The following NUP43 variants were observed in gnomAD, a reference collection of about 807,000 sequenced individuals.
NUP43 encodes nucleoporin Nup43.
NUP43 carries 32 observed loss-of-function variants against 47.3 expected under a neutral mutation model. The ratio of observed to expected loss-of-function variants is 0.68; its 90% CI spans 0.51 to 0.91. NUP43 has a LOEUF of 0.91. Ranked by LOEUF, NUP43 falls within the 40% of genes least tolerant of loss-of-function variation. NUP43 has a pLI of 0.00. For missense variants in NUP43, 444 were observed against 453.9 expected (o/e 0.98, Z 0.20); for synonymous variants, 147 against 158.4 (o/e 0.93, Z 0.54).
upstream of NUP43, among the ~76,000 whole-genome samples, chr6:149,749,095 G>A (rs1237369787): frequency 3.3e-5 from 5 of 151,712 alleles, no homozygotes; most frequent in African/African-American, 4.8e-5. Flanking sequence ...ATTATTCTAA[G>A]GGAGCAAAGC....
At chr6:149,743,184 AAATAAAT>A (rs1182872209) in intron 3 of NUP43, among the ~76,000 whole-genome samples, 1 of 151,346 alleles carries the variant, frequency 6.6e-6, no homozygotes, top group African/African-American at 2.4e-5. Flanking sequence ...TCAAAAAAAA[AAATAAAT>A]AAATAAAATA....
At chr6:149,732,685 A>C (rs1393060446) in intron 6 of NUP43, among the ~76,000 whole-genome samples, 1 of 151,720 alleles carries the variant, frequency 6.6e-6, no homozygotes, top group Non-Finnish European at 1.5e-5. Flanking sequence ...TCTCTACCAA[A>C]AATACAAAAA....
chr6:149,738,420 A>C (rs1354657141), intron 5 of NUP43, among the ~76,000 whole-genome samples: 1 of 152,228 alleles, frequency 6.6e-6, no homozygotes, highest in Non-Finnish European at 1.5e-5. Flanking sequence ...GAAATAATAC[A>C]AACTTCAAAG....
rs1784749823 is a variant in NUP43, at chr6:149,725,234, GATT to G, written c.*1732_*1734del. 6.6e-6 allele frequency: 1 copy of G among 152,232 alleles called. No homozygotes were observed. The highest frequency in any genetic ancestry group is 1.5e-5 in the Non-Finnish European group (1 of 68,080). 9.4% of individuals were successfully genotyped at this position (152,232 alleles called of 1,614,324 possible). ...GCACTTTGGGAGGCCGAGGCGGGCT[GATT>G]ACCTGTGGTCAGGAGTTCGAGACCA... is the stretch of plus-strand genomic sequence containing the variant. On this transcript the variant is annotated 3_prime_UTR_variant, in exon 8 of 8. Coordinates refer to ENST00000340413, the MANE Select transcript of NUP43 (RefSeq NM_198887.3).
At chr6:149,732,483 G>A (rs529370706) in intron 6 of NUP43, among the ~76,000 whole-genome samples, 7 of 149,956 alleles carry the variant, frequency 4.7e-5, no homozygotes, top group South Asian at 2.1e-4. Context: ...GGAGGCAGAG[G>A]TTGCAATGAG....
At chr6:149,730,196 A>G (rs1410862004) in intron 7 of NUP43, among the ~76,000 whole-genome samples, 1 of 151,288 alleles carries the variant, frequency 6.6e-6, no homozygotes, top group African/African-American at 2.4e-5. Context: ...TTTAGTAGAG[A>G]CGGGGTTTCT....
intron 5 of NUP43, 42 bp downstream of exon 5, chr6:149,738,601 A>G: frequency 7.1e-7 from 1 of 1,418,218 alleles, no homozygotes; most frequent in Non-Finnish European, 9.4e-7. Context: ...CTAACACATT[A>G]ATTTGTGGAT....
At chr6:149,737,943 G>A (rs559173290) in intron 5 of NUP43, among the ~76,000 whole-genome samples, 2 of 152,032 alleles carry the variant, frequency 1.3e-5, no homozygotes, top group East Asian at 1.9e-4. Flanking sequence ...TGCCTGCCTC[G>A]GCCTCCCAAA....
intron 4 of NUP43, among the ~76,000 whole-genome samples, chr6:149,739,788 CTG>C (rs1785552699): frequency 1.3e-5 from 2 of 152,164 alleles, no homozygotes; most frequent in African/African-American, 4.8e-5. Context: ...TTGTATTATT[CTG>C]CAGACTCATC....
Position 149,726,848 on chromosome 6 carries a change from G to T in NUP43, c.*121C>A. 1.4e-6 allele frequency: 1 copy of T among 716,860 alleles called. No homozygotes were observed. 44.4% of individuals were successfully genotyped at this position (716,860 alleles called of 1,614,324 possible). The stretch of plus-strand genomic sequence containing the variant: ...GTCAAAACTGGGCATTGACATTAAT[G>T]GTAGTTTACTGATGTTTCCCCTGCA... On this transcript the variant is annotated 3_prime_UTR_variant, in exon 8 of 8. Transcript: ENST00000340413.
intron 6 of NUP43, among the ~76,000 whole-genome samples, chr6:149,735,878 C>T (rs773206751): frequency 3.4e-5 from 5 of 148,852 alleles, no homozygotes; most frequent in South Asian, 2.2e-4. Flanking sequence ...GAGGCTGATG[C>T]GGGAGGATCA....
At chr6:149,748,683 CCTGTAGTCCCAGCTACTCGG>C (rs1289498938), upstream of NUP43, among the ~76,000 whole-genome samples, 1 of 151,882 alleles carries the variant, frequency 6.6e-6, no homozygotes, top group Non-Finnish European at 1.5e-5. Context: ...GTGGCGGGTG[CCTGTAGTCCCAGCTACTCGG>C]GAGGCTGAGG....
intron 4 of NUP43, among the ~76,000 whole-genome samples, chr6:149,742,160 G>T (rs1785694098): frequency 6.6e-6 from 1 of 152,216 alleles, no homozygotes; most frequent in Admixed American, 6.5e-5. Flanking sequence ...CCAAGTAGCT[G>T]GGATTACAGG....
intron 1 of NUP43, 106 bp from the exon 2 acceptor site, chr6:149,746,168 A>G: frequency 7.2e-7 from 1 of 1,391,336 alleles, no homozygotes; most frequent in South Asian, 1.3e-5. Context: ...CTCAAATGGT[A>G]TGGTGAGTTT....
chr6:149,740,321 A>C (rs529782014), intron 4 of NUP43, among the ~76,000 whole-genome samples: 1 of 150,050 alleles, frequency 6.7e-6, no homozygotes, highest in South Asian at 2.1e-4. Context: ...TTAACTCAGA[A>C]ATGAAAATCA....
intron 2 of NUP43, among the ~76,000 whole-genome samples, chr6:149,744,844 A>C (rs1328492876): frequency 6.6e-6 from 1 of 151,838 alleles, no homozygotes. Flanking sequence ...TCCAAAAAAA[A>C]AAAATGTATC....
upstream of NUP43, among the ~76,000 whole-genome samples, chr6:149,746,833 C>T (rs750845364): frequency 6.6e-6 from 1 of 152,166 alleles, no homozygotes; most frequent in Non-Finnish European, 1.5e-5. Context: ...CAGTAGAAAC[C>T]ACCTTGAAAC....
chr6:149,724,743 C>T lies in NUP43; in HGVS notation c.*2226G>A, dbSNP rs1180014370. On this transcript the variant is annotated 3_prime_UTR_variant, in exon 8 of 8. Coordinates refer to ENST00000340413, the MANE Select transcript of NUP43 (RefSeq NM_198887.3). ...GGATTATAGATGCCTGCCACCACGCCCGGTTAATTTTTTTTTTGCATTTTT... is the reference window on the plus strand; with the variant it reads ...GGATTATAGATGCCTGCCACCACGCTCGGTTAATTTTTTTTTTGCATTTTT... The T allele has an allele frequency of 6.6e-6, 1 of 152,094 alleles. No individual in the cohort carries two copies. Among genetic ancestry groups the T allele is most frequent in the Non-Finnish European group, 1.5e-5 (1 of 68,038 alleles). 9.4% of individuals were successfully genotyped at this position (152,094 alleles called of 1,614,324 possible).
chr6:149,743,557 T>A, intron 3 of NUP43, 81 bp downstream of exon 3: 1 of 825,948 alleles, frequency 1.2e-6, no homozygotes, highest in Non-Finnish European at 2.0e-6. Context: ...ACTGCGCCAC[T>A]GCACTCCAGT....
Sources: allele counts gnomAD v4.1 joint callset (sites outside exome capture counted in the v4.1 genomes callset), GRCh38; gene constraint gnomAD v4.1.1; transcripts MANE v1.5; gene names NCBI Gene and HGNC (gene_info 2026-07-23, HGNC 2026-07-21).